MDGA2: variants seen among roughly 807,000 people sequenced by gnomAD.
MDGA2 encodes MAM domain-containing glycosylphosphatidylinositol anchor protein 2.
MDGA2 carries 40 observed loss-of-function variants against 117.8 expected under a neutral mutation model. That is an observed-to-expected ratio of 0.34 (90% CI 0.26 to 0.44). The LOEUF (loss-of-function observed/expected upper bound fraction) is 0.44, where lower values mean the gene tolerates loss of function less well. Among genes scored for constraint, MDGA2 ranks in the 20% least tolerant of loss-of-function variants. The pLI, the probability that MDGA2 is intolerant of heterozygous loss-of-function variation, is 1.00. For missense variants in MDGA2, 1,123 were observed against 1,250.6 expected, an observed-to-expected ratio of 0.90 and a Z score of 1.54; for synonymous variants, 452 against 439.0, an observed-to-expected ratio of 1.03 and a Z score of -0.37.
intron 1 of MDGA2, among the ~76,000 whole-genome samples, chr14:47,554,401 T>G (rs1007938465): frequency 2.0e-5 from 3 of 152,222 alleles, no homozygotes; most frequent in Non-Finnish European, 4.4e-5. Context: ...AAAATTATCT[T>G]GTCTTCAGAG....
intron 1 of MDGA2, among the ~76,000 whole-genome samples, chr14:47,464,719 G>C (rs1382541615): frequency 6.6e-6 from 1 of 152,076 alleles, no homozygotes; most frequent in African/African-American, 2.4e-5. Context: ...TCATTGATAG[G>C]AATAATCAAT....
At chr14:46,985,210 T>C (rs1886817825) in intron 8 of MDGA2, among the ~76,000 whole-genome samples, 1 of 152,074 alleles carries the variant, frequency 6.6e-6, no homozygotes, top group African/African-American at 2.4e-5. Context: ...ATCAATGAGT[T>C]CTTATAAAGA....
At chr14:46,930,428 C>A (rs1884525253) in intron 9 of MDGA2, among the ~76,000 whole-genome samples, 2 of 151,758 alleles carry the variant, frequency 1.3e-5, no homozygotes, top group Admixed American at 1.3e-4. Flanking sequence ...GTAAAAAAAA[C>A]AAACTTTGGT....
At chr14:47,111,496 T>C (rs1262027653) in intron 5 of MDGA2, among the ~76,000 whole-genome samples, 1 of 152,076 alleles carries the variant, frequency 6.6e-6, no homozygotes, top group Non-Finnish European at 1.5e-5. Context: ...GCAGAAATAT[T>C]CACCATCCAA....
In MDGA2 at chr14:47,321,898, T is replaced by A. The variant is rs77766400; in HGVS notation, c.281-20348A>T. ...GAATGTTTCTTTAATAATTCATTTT[T>A]AATAATTTATATTGAGAAAGTCCCT... On this transcript the variant is annotated intron_variant, in intron 1 of 16. Transcript: ENST00000399232. 4.5e-3 allele frequency among the ~76,000 whole-genome samples: 689 copies of A among 152,340 alleles called. 8 individuals carry two copies. The highest frequency in any genetic ancestry group is 0.016 in the African/African-American group (657 of 41,588).
chr14:46,919,258 C>T (rs1884030264), intron 10 of MDGA2, among the ~76,000 whole-genome samples: 1 of 152,110 alleles, frequency 6.6e-6, no homozygotes, highest in Non-Finnish European at 1.5e-5. Context: ...CTTTGCCAAT[C>T]TAGGGATAAT....
At chr14:47,286,809 A>ATATATATATATATATACATATATATATG (rs1888692599) in intron 2 of MDGA2, among the ~76,000 whole-genome samples, 1 of 114,454 alleles carries the variant, frequency 8.7e-6, no homozygotes, top group African/African-American at 3.0e-5. Flanking sequence ...ATCATTATAT[A>ATATATATATATATATACATATATATATG]TATATATATA....
At chr14:46,959,683 G>C (rs759834244) in intron 8 of MDGA2, among the ~76,000 whole-genome samples, 1 of 151,974 alleles carries the variant, frequency 6.6e-6, no homozygotes, top group East Asian at 1.9e-4. Context: ...CCTTCTTTTA[G>C]ATGGATGGAT....
At chr14:47,528,656 T>C (rs1040743118) in intron 1 of MDGA2, among the ~76,000 whole-genome samples, 6 of 152,234 alleles carry the variant, frequency 3.9e-5, no homozygotes, top group African/African-American at 1.4e-4. Context: ...TAACCAGTTT[T>C]TAAATGATCT....
chr14:47,216,189 T>C (rs1886082032), intron 3 of MDGA2, among the ~76,000 whole-genome samples: 2 of 152,148 alleles, frequency 1.3e-5, no homozygotes, highest in South Asian at 4.1e-4. Flanking sequence ...GAGAAAAATA[T>C]TTTTTAAGTC....
chr14:47,540,026 T>G (rs1895306197), intron 1 of MDGA2, among the ~76,000 whole-genome samples: 1 of 152,188 alleles, frequency 6.6e-6, no homozygotes. Flanking sequence ...CTTTTTCTTT[T>G]TTTTTTGAGA....
At chr14:46,870,912 A>G (rs1881968104) in intron 14 of MDGA2, 1 of 151,988 alleles carries the variant, frequency 6.6e-6, no homozygotes, top group Non-Finnish European at 1.5e-5. Flanking sequence ...AGGTGAACAT[A>G]TTTTATGACT....
At chr14:47,092,817 GA>G (rs1409053620) in intron 6 of MDGA2, among the ~76,000 whole-genome samples, 1 of 152,060 alleles carries the variant, frequency 6.6e-6, no homozygotes, top group Non-Finnish European at 1.5e-5. Flanking sequence ...CTGCTTAGAG[GA>G]AAAAGGGAGA....
chr14:47,119,837 TTGTTTA>T (rs1413734127), intron 5 of MDGA2, among the ~76,000 whole-genome samples: 11 of 152,188 alleles, frequency 7.2e-5, no homozygotes, highest in Admixed American at 7.2e-4. Flanking sequence ...TCCAATAGCT[TTGTTTA>T]TATCTTTCCT....
chr14:47,255,410 G>A (rs2139654812), intron 2 of MDGA2, among the ~76,000 whole-genome samples: 1 of 152,254 alleles, frequency 6.6e-6, no homozygotes, highest in African/African-American at 2.4e-5. Flanking sequence ...TTTTATGTAA[G>A]ATATAACATG....
intron 3 of MDGA2, among the ~76,000 whole-genome samples, chr14:47,161,054 A>G (rs1883612200): frequency 6.6e-6 from 1 of 152,110 alleles, no homozygotes; most frequent in Non-Finnish European, 1.5e-5. Context: ...TTAGAATTAC[A>G]AGAGGTTTGT....
At chr14:46,895,710 G>C (rs948608569) in intron 10 of MDGA2, among the ~76,000 whole-genome samples, 8 of 151,094 alleles carry the variant, frequency 5.3e-5, no homozygotes, top group African/African-American at 1.9e-4. Context: ...CTGGGCGACA[G>C]AGCAAGACCC....
chr14:46,910,093 T>C (rs1472168430), intron 10 of MDGA2, among the ~76,000 whole-genome samples: 2 of 152,166 alleles, frequency 1.3e-5, no homozygotes, highest in African/African-American at 2.4e-5. Context: ...TAAATAATCA[T>C]GTTCAAGGGT....
intron 8 of MDGA2, among the ~76,000 whole-genome samples, chr14:46,968,280 A>G (rs916446348): frequency 6.6e-6 from 1 of 152,142 alleles, no homozygotes; most frequent in Admixed American, 6.5e-5. Flanking sequence ...GCTCCCACTG[A>G]CAGTGGTTCC....
Sources: gnomAD v4.1 joint callset for allele counts (sites outside exome capture counted in the v4.1 genomes callset) on GRCh38, gnomAD v4.1.1 for gene constraint, MANE v1.5 for transcripts, NCBI Gene and HGNC (gene_info 2026-07-23, HGNC 2026-07-21) for gene names.